TTC28: variants seen among roughly 807,000 people sequenced by gnomAD.
The protein encoded by TTC28 is tetratricopeptide repeat protein 28.
A neutral mutation model predicts 198.0 loss-of-function variants in TTC28; 61 were observed. The observed-to-expected ratio is 0.31, with a 90% CI of 0.25 to 0.38. TTC28 has a LOEUF of 0.38. TTC28 is among the 10% of genes least tolerant of loss of function. The pLI is 1.00. For missense variants in TTC28, 2,678 were observed against 3,164.0 expected (o/e 0.85, Z 3.69); for synonymous variants, 1,171 against 1,297.8 (o/e 0.90, Z 2.10).
At chr22:28,299,622 C>T (rs1197390794) in intron 3 of TTC28, among the ~76,000 whole-genome samples, 1 of 152,058 alleles carries the variant, frequency 6.6e-6, no homozygotes, top group Non-Finnish European at 1.5e-5. Flanking sequence ...TTGGTGGTGC[C>T]GTCCGCTGAT....
chr22:28,493,835 C>CT (rs1196121663), intron 2 of TTC28, among the ~76,000 whole-genome samples: 1 of 152,144 alleles, frequency 6.6e-6, no homozygotes, highest in Non-Finnish European at 1.5e-5. Context: ...AGGATGCAGT[C>CT]AGTGAAGTCC....
intron 2 of TTC28, among the ~76,000 whole-genome samples, chr22:28,358,036 T>C (rs2046104626): frequency 6.6e-6 from 1 of 152,252 alleles, no homozygotes; most frequent in Non-Finnish European, 1.5e-5. Context: ...ATACTTTATA[T>C]AATTCAGTCT....
intron 8 of TTC28, among the ~76,000 whole-genome samples, chr22:28,102,021 C>T (rs1265437839): frequency 6.6e-6 from 1 of 152,104 alleles, no homozygotes; most frequent in South Asian, 2.1e-4. Context: ...ACCTGGTCAC[C>T]CTCCTAAATT....
At chr22:28,020,665 C>T (rs576063770) in intron 13 of TTC28, among the ~76,000 whole-genome samples, 182 of 152,268 alleles carry the variant, frequency 1.2e-3, no homozygotes, top group Non-Finnish European at 1.8e-3. Context: ...GCAGTGCCTG[C>T]GAGCGAGGAT....
intron 1 of TTC28, among the ~76,000 whole-genome samples, chr22:28,655,884 C>G (rs548637124): frequency 6.6e-6 from 1 of 151,782 alleles, no homozygotes; most frequent in African/African-American, 2.4e-5. Flanking sequence ...ACTTCCCCCA[C>G]CCTCAAAATA....
intron 5 of TTC28, among the ~76,000 whole-genome samples, chr22:28,172,745 A>C (rs1922806712): frequency 6.6e-6 from 1 of 152,154 alleles, no homozygotes; most frequent in East Asian, 1.9e-4. Context: ...TATCTCTAGA[A>C]AGGATGTAAT....
At chr22:28,134,959 T>C (rs1943164294) in intron 6 of TTC28, among the ~76,000 whole-genome samples, 1 of 152,250 alleles carries the variant, frequency 6.6e-6, no homozygotes, top group Non-Finnish European at 1.5e-5. Context: ...TTTAAAATCT[T>C]TGTCAGATCT....
chr22:28,169,373 CAT>C (rs1445663247), intron 5 of TTC28, among the ~76,000 whole-genome samples: 1 of 151,734 alleles, frequency 6.6e-6, no homozygotes, highest in Non-Finnish European at 1.5e-5. Context: ...CACATGCACA[CAT>C]GTTTATTGTG....
At chr22:28,016,059 C>T (rs2034195426) in intron 13 of TTC28, among the ~76,000 whole-genome samples, 1 of 152,132 alleles carries the variant, frequency 6.6e-6, no homozygotes, top group South Asian at 2.1e-4. Context: ...GACCTAAATT[C>T]TAGGGTCATG....
rs370831983 is a variant in TTC28 at position 28,317,476 on chromosome 22, C to T, written c.382-10833G>A. On this transcript the variant is annotated intron_variant, in intron 2 of 22. Coordinates refer to ENST00000397906, the MANE Select transcript of TTC28 (RefSeq NM_001145418.2). ...ATGCACATTTTATAGACTTTATTCC[C>T]AATGTCAGTTAACTTTTCACAGGTT... Among the ~76,000 whole-genome samples, 4 of 152,134 alleles carry T rather than the reference C, an allele frequency of 2.6e-5. No individual in the cohort carries two copies. The East Asian group carries it at 7.7e-4, about 29-fold the overall frequency.
chr22:28,287,288 G>A (rs1186175223), intron 5 of TTC28, among the ~76,000 whole-genome samples: 1 of 152,072 alleles, frequency 6.6e-6, no homozygotes, highest in Non-Finnish European at 1.5e-5. Flanking sequence ...TATACATATG[G>A]GGAAAAAACA....
At chr22:28,250,835 C>T (rs1248927617) in intron 5 of TTC28, among the ~76,000 whole-genome samples, 2 of 152,142 alleles carry the variant, frequency 1.3e-5, no homozygotes, top group African/African-American at 2.4e-5. Context: ...GACAAACAAA[C>T]CCTTAAGTGA....
chr22:28,248,369 C>G (rs1930262834), intron 5 of TTC28, among the ~76,000 whole-genome samples: 1 of 152,146 alleles, frequency 6.6e-6, no homozygotes, highest in Non-Finnish European at 1.5e-5. Flanking sequence ...TTCTCAGGCT[C>G]TTCTTCATCA....
Position 28,253,612 on chromosome 22 carries a change from T to TA in TTC28, c.933+42585dup, listed in dbSNP as rs139353358. 2.2e-3 allele frequency among the ~76,000 whole-genome samples: 333 copies of TA among 152,264 alleles called. 2 individuals are homozygous for TA. The highest frequency in any genetic ancestry group is 7.8e-3 in the African/African-American group (324 of 41,556). On this transcript the variant is annotated intron_variant, in intron 5 of 22. Coordinates refer to ENST00000397906, the MANE Select transcript of TTC28 (RefSeq NM_001145418.2). ...ACTTGTTAAATGAAAAATGATGACT[T>TA]AACTGTGTATTGTGGTAGGAACAGG... is the stretch of plus-strand genomic sequence containing the variant.
chr22:28,281,906 C>G (rs927046127), intron 5 of TTC28, among the ~76,000 whole-genome samples: 1 of 152,156 alleles, frequency 6.6e-6, no homozygotes, highest in African/African-American at 2.4e-5. Flanking sequence ...TGGGGCTCCC[C>G]TACATGGCTC....
intron 2 of TTC28, among the ~76,000 whole-genome samples, chr22:28,494,962 G>T (rs1454804738): frequency 6.6e-6 from 1 of 151,810 alleles, no homozygotes; most frequent in African/African-American, 2.4e-5. Context: ...AAAAATTTTA[G>T]AAATAAAAAG....
intron 5 of TTC28, among the ~76,000 whole-genome samples, chr22:28,241,470 T>A (rs934929585): frequency 3.9e-5 from 6 of 152,160 alleles, no homozygotes; most frequent in Non-Finnish European, 8.8e-5. Context: ...AATATAAAAT[T>A]TGAGTATGAG....
At chr22:28,304,664 A>G (rs1435862170) in intron 3 of TTC28, among the ~76,000 whole-genome samples, 2 of 152,206 alleles carry the variant, frequency 1.3e-5, no homozygotes, top group Non-Finnish European at 2.9e-5. Context: ...AGATTTCCCT[A>G]CATTTATCTA....
chr22:28,503,099 T>C (rs1371429495), intron 2 of TTC28, among the ~76,000 whole-genome samples: 1 of 152,226 alleles, frequency 6.6e-6, no homozygotes, highest in African/African-American at 2.4e-5. Flanking sequence ...TCATTCTTTG[T>C]GCTCCAAACA....
Sources: allele counts gnomAD v4.1 joint callset (sites outside exome capture counted in the v4.1 genomes callset), GRCh38; gene constraint gnomAD v4.1.1; transcripts MANE v1.5; gene names NCBI Gene and HGNC (gene_info 2026-07-23, HGNC 2026-07-21).